PHF8: variants seen among roughly 807,000 people sequenced by gnomAD.
PHF8 encodes the protein PHD finger protein 8.
In PHF8, 9 loss-of-function variants were observed where a neutral mutation model predicts 74.4. The observed-to-expected ratio is 0.12, with a 90% CI of 0.07 to 0.21. The LOEUF is 0.21. Among genes scored for constraint, PHF8 ranks in the 10% least tolerant of loss-of-function variants. The pLI is 1.00. For synonymous variants in PHF8, 311 were observed against 316.6 expected (o/e 0.98, Z 0.19); for missense variants, 478 against 816.6 (o/e 0.59, Z 5.05).
intron 19 of PHF8, among the ~76,000 whole-genome samples, chrX:53,957,805 C>T (rs1300634133): frequency 9.0e-6 from 1 of 111,272 alleles, no homozygotes; most frequent in East Asian, 2.8e-4. Context: ...TTTCCTTTTG[C>T]TTTTCTCCTT....
chrX:53,939,410 C>G (rs1378363755), intron 21 of PHF8, among the ~76,000 whole-genome samples, 164 bp from the exon 22 acceptor site: 1 of 111,532 alleles, frequency 9.0e-6, no homozygotes, highest in African/African-American at 3.3e-5. Flanking sequence ...TACTTCCAAC[C>G]AACACCACAT....
chrX:53,995,553 T>C, intron 12 of PHF8, 140 bp downstream of exon 12: 2 of 489,636 alleles, frequency 4.1e-6, no homozygotes, highest in Non-Finnish European at 7.3e-6. Context: ...TAATAATTAT[T>C]TGAACGAATG....
intron 8 of PHF8, among the ~76,000 whole-genome samples, chrX:54,007,124 C>T (rs2065908680): frequency 9.0e-6 from 1 of 111,337 alleles, no homozygotes; most frequent in African/African-American, 3.3e-5. Flanking sequence ...CTTTGGTCAA[C>T]AGATTTTTGA....
At chrX:54,046,383 G>A (rs1221693988), upstream of PHF8, among the ~76,000 whole-genome samples, 1 of 109,890 alleles carries the variant, frequency 9.1e-6, no homozygotes, top group Admixed American at 9.8e-5. Flanking sequence ...AGGAGTTCGA[G>A]ACCAGCCTGG....
Position 54,002,697 on chromosome X carries a change from G to A in PHF8, c.947-15C>T, listed in dbSNP as rs1557104467. 7.1e-6 allele frequency: 8 copies of A among 1,127,151 alleles called. No individual in the cohort carries two copies. Among genetic ancestry groups the A allele is most frequent in the Middle Eastern group, 2.4e-4 (1 of 4,173 alleles). 92.9% of individuals were successfully genotyped at this position (1,127,151 alleles called of 1,213,427 possible). A position where few individuals can be genotyped will look rare whatever the true frequency, so the allele number is the denominator to read the frequency against. On this transcript the variant is annotated splice_polypyrimidine_tract_variant and intron_variant, in intron 8 of 21. Coordinates refer to ENST00000338154, the MANE Select transcript of PHF8 (RefSeq NM_015107.3). ...ATGGATCCACCCTGCAGTGTAACAA[G>A]GCAAAATCAAAGCTGGAAGAGGGCC... is the stretch of plus-strand genomic sequence containing the variant.
chrX:53,944,072 G>A lies in PHF8; in HGVS notation c.2649+62C>T. 3 of 665,853 alleles carry A rather than the reference G, an allele frequency of 4.5e-6. No homozygotes were observed. In the South Asian group the frequency reaches 6.7e-5, roughly 15 times the overall value. The allele number at this position is 665,853 out of a possible 1,213,427, so 54.9% of individuals were successfully genotyped here. A position where few individuals can be genotyped will look rare whatever the true frequency, so the allele number is the denominator to read the frequency against. ...GGATCCTATCAGCCTGCAGGTCTAA[G>A]TGTTGAGGCTCTAAGTCAAACTGCT... On this transcript the variant is annotated intron_variant, in intron 20 of 21. Coordinates refer to ENST00000338154, the MANE Select transcript of PHF8 (RefSeq NM_015107.3).
intron 8 of PHF8, 68 bp downstream of exon 8, chrX:54,011,054 G>A: frequency 3.1e-6 from 3 of 958,331 alleles, no homozygotes; most frequent in Non-Finnish European, 1.5e-6. Flanking sequence ...TTAATATGCT[G>A]TGGGGCCAAA....
intron 21 of PHF8, among the ~76,000 whole-genome samples, chrX:53,939,874 T>C (rs2064723014): frequency 9.0e-6 from 1 of 110,922 alleles, no homozygotes. Flanking sequence ...CTCCATTCCC[T>C]CTGGCAGAGC....
rs1373358836 is a variant in PHF8 at position 54,043,762 on chromosome X, A to C, written c.-93T>G. 121 of 720,443 alleles carry C rather than the reference A, an allele frequency of 1.7e-4. No homozygotes were observed. The highest frequency in any genetic ancestry group is 1.9e-4 in the Non-Finnish European group (116 of 609,785). 59.4% of individuals were successfully genotyped at this position (720,443 alleles called of 1,213,427 possible). ...TAGCCTCGCAGCCCCCAAAACTTAC[A>C]GGAATCTTAACGCTTCCCCAACTGA... On this transcript the variant is annotated splice_region_variant and 5_prime_UTR_variant, in exon 1 of 22. Coordinates refer to ENST00000338154, the MANE Select transcript of PHF8 (RefSeq NM_015107.3).
At chrX:54,030,184 T>A (rs1016146763) in intron 2 of PHF8, among the ~76,000 whole-genome samples, 1 of 111,577 alleles carries the variant, frequency 9.0e-6, no homozygotes, top group Admixed American at 9.6e-5. Flanking sequence ...TGTATCTTAT[T>A]TACCAAAAGT....
intron 12 of PHF8, among the ~76,000 whole-genome samples, chrX:53,994,886 C>T (rs1250130203): frequency 8.9e-6 from 1 of 112,551 alleles, no homozygotes; most frequent in Non-Finnish European, 1.9e-5. Flanking sequence ...GCCTCTGCTA[C>T]TTCACCATCC....
intron 2 of PHF8, among the ~76,000 whole-genome samples, chrX:54,033,382 T>C (rs1057508689): frequency 5.3e-5 from 6 of 112,297 alleles, no homozygotes; most frequent in Non-Finnish European, 9.4e-5. Context: ...TAAAAATGTT[T>C]CAATGAGCAA....
upstream of PHF8, among the ~76,000 whole-genome samples, chrX:54,046,143 C>T (rs998118243): frequency 2.2e-4 from 24 of 110,646 alleles, no homozygotes; most frequent in Non-Finnish European, 1.3e-4. Context: ...GCCCAGGCCT[C>T]GCTATATTGC....
At chrX:54,036,956 C>T (rs1223041119) in intron 2 of PHF8, among the ~76,000 whole-genome samples, 5 of 101,898 alleles carry the variant, frequency 4.9e-5, no homozygotes, top group East Asian at 3.1e-4. Context: ...GCCGAGATCG[C>T]GCCATTGCAC....
chrX:54,019,780 A>T (rs2066135585), intron 4 of PHF8, among the ~76,000 whole-genome samples: 1 of 84,270 alleles, frequency 1.2e-5, no homozygotes, highest in South Asian at 6.4e-4. Context: ...AGAGCAAGAC[A>T]CCGCCTCAAA....
At chrX:54,014,699 C>CA (rs1455216262) in intron 6 of PHF8, 136 bp from the exon 7 acceptor site, 7 of 496,897 alleles carry the variant, frequency 1.4e-5, no homozygotes, top group Non-Finnish European at 2.5e-5. Flanking sequence ...CCCAAAGGCA[C>CA]ATAGGACACT....
At chrX:53,949,685 G>A (rs1165177060) in intron 19 of PHF8, among the ~76,000 whole-genome samples, 3 of 107,754 alleles carry the variant, frequency 2.8e-5, no homozygotes, top group African/African-American at 3.4e-5. Flanking sequence ...GGTGACAGGC[G>A]CCTGTAGTCC....
intron 8 of PHF8, among the ~76,000 whole-genome samples, chrX:54,004,859 G>A (rs1455771973): frequency 2.8e-5 from 3 of 109,009 alleles, no homozygotes; most frequent in African/African-American, 1.0e-4. Context: ...AGGAGGCAGA[G>A]GTTGCAGTGA....
intron 18 of PHF8, among the ~76,000 whole-genome samples, chrX:53,965,149 ATGCACG>A: frequency 1.8e-5 from 2 of 112,149 alleles, no homozygotes; most frequent in Admixed American, 1.9e-4. Flanking sequence ...AAAAAAGAAC[ATGCACG>A]TGCACGTGTG....
Sources: gnomAD v4.1 joint callset for allele counts (sites outside exome capture counted in the v4.1 genomes callset) on GRCh38, gnomAD v4.1.1 for gene constraint, MANE v1.5 for transcripts, NCBI Gene and HGNC (gene_info 2026-07-23, HGNC 2026-07-21) for gene names.